CCDC102B: variants seen among roughly 807,000 people sequenced by gnomAD.
CCDC102B encodes coiled-coil domain-containing protein 102B.
In CCDC102B, 75 loss-of-function variants were observed where a neutral mutation model predicts 57.4. That is an observed-to-expected ratio of 1.31 (90% CI 1.08 to 1.58). CCDC102B has a LOEUF of 1.58. Among genes scored for constraint, CCDC102B ranks in the 40% most tolerant of loss-of-function variants. The pLI, the probability that CCDC102B is intolerant of heterozygous loss-of-function variation, is 0.00. For missense variants in CCDC102B, 636 were observed against 582.6 expected (o/e 1.09, Z -0.94); for synonymous variants, 206 against 201.9 (o/e 1.02, Z -0.17).
intron 2 of CCDC102B, among the ~76,000 whole-genome samples, chr18:68,734,454 A>G (rs936809172): frequency 1.3e-5 from 2 of 152,216 alleles, no homozygotes; most frequent in Non-Finnish European, 2.9e-5. Context: ...ACACAGTATG[A>G]CAACAACAAG....
intron 2 of CCDC102B, among the ~76,000 whole-genome samples, chr18:68,748,644 T>C (rs1225038938): frequency 6.6e-6 from 1 of 152,162 alleles, no homozygotes; most frequent in East Asian, 1.9e-4. Flanking sequence ...CCTGGAAACA[T>C]AGCCTAAAGC....
chr18:68,817,725 T>C (rs985130048), intron 1 of CCDC102B, among the ~76,000 whole-genome samples: 12 of 152,142 alleles, frequency 7.9e-5, no homozygotes, highest in Admixed American at 6.5e-4. Flanking sequence ...GGGGTAAACA[T>C]AGGAAAATTG....
At chr18:68,846,203 TCAGTTA>T in intron 3 of CCDC102B, 104 bp from the exon 4 acceptor site, 1 of 505,964 alleles carries the variant, frequency 2.0e-6, no homozygotes, top group South Asian at 5.3e-5. Flanking sequence ...ATTAAGATGA[TCAGTTA>T]CAAATATCAA....
intron 4 of CCDC102B, among the ~76,000 whole-genome samples, chr18:68,854,670 T>C (rs766488130): frequency 6.6e-6 from 1 of 152,188 alleles, no homozygotes; most frequent in East Asian, 1.9e-4. Context: ...CCATCTTTTT[T>C]AAATTTTTTA....
chr18:68,957,976 A>T (rs2049946556), intron 6 of CCDC102B, among the ~76,000 whole-genome samples: 1 of 152,156 alleles, frequency 6.6e-6, no homozygotes, highest in Non-Finnish European at 1.5e-5. Flanking sequence ...GGGGCAATTT[A>T]CAAAAGAGAG....
At chr18:68,856,530 C>A (rs899850566) in intron 4 of CCDC102B, among the ~76,000 whole-genome samples, 2 of 152,120 alleles carry the variant, frequency 1.3e-5, no homozygotes, top group Non-Finnish European at 2.9e-5. Context: ...AACTCCTGGC[C>A]TCTAGTGATC....
chr18:68,966,495 T>C (rs529856546), intron 6 of CCDC102B, among the ~76,000 whole-genome samples: 14 of 152,124 alleles, frequency 9.2e-5, no homozygotes, highest in Admixed American at 2.0e-4. Flanking sequence ...CCTGTGTGTG[T>C]GGGACTCTTC....
intron 6 of CCDC102B, among the ~76,000 whole-genome samples, chr18:68,928,915 T>A (rs539085963): frequency 6.6e-6 from 1 of 151,626 alleles, no homozygotes; most frequent in African/African-American, 2.4e-5. Flanking sequence ...GAAGAAGCAA[T>A]GGAGAAATTA....
chr18:68,982,535 T>C (rs980302692), intron 6 of CCDC102B, among the ~76,000 whole-genome samples: 1 of 152,012 alleles, frequency 6.6e-6, no homozygotes, highest in Non-Finnish European at 1.5e-5. Context: ...CACTCTGATT[T>C]GGATTGCATA....
chr18:68,913,425 T>A (rs2040949876), intron 6 of CCDC102B, among the ~76,000 whole-genome samples: 2 of 151,088 alleles, frequency 1.3e-5, no homozygotes, highest in African/African-American at 4.9e-5. Context: ...GGTGGGCAGA[T>A]CACCTGAGGT....
chr18:68,930,880 A>G (rs1208385825), intron 6 of CCDC102B, among the ~76,000 whole-genome samples: 1 of 151,962 alleles, frequency 6.6e-6, no homozygotes, highest in African/African-American at 2.4e-5. Context: ...CCTATAGCAA[A>G]TGCAAGATCA....
chr18:69,010,074 G>A (rs566845804), intron 6 of CCDC102B, among the ~76,000 whole-genome samples: 1 of 145,948 alleles, frequency 6.9e-6, no homozygotes, highest in South Asian at 2.2e-4. Context: ...TGGGACTACA[G>A]GCGTCCGCCA....
At position 68,994,541 on chromosome 18, in the gene CCDC102B, G is replaced by T. The variant is rs79192553; in HGVS notation, c.1264-16393G>T. Among the ~76,000 whole-genome samples, 341 of 152,060 alleles carry T rather than the reference G, an allele frequency of 2.2e-3. 11 individuals carry two copies. The East Asian group carries it at 0.062, about 28-fold the overall frequency. On this transcript the variant is annotated intron_variant, in intron 6 of 7. Coordinates refer to ENST00000360242, the MANE Select transcript of CCDC102B (RefSeq NM_024781.3). ...CACCCCCTCCTCCCCCGTGTAAAGG[G>T]AGACACCAGGTGAAGGTAATTGAAT...
intron 6 of CCDC102B, among the ~76,000 whole-genome samples, chr18:68,999,241 GA>G (rs1568114246): frequency 6.6e-6 from 1 of 151,838 alleles, no homozygotes; most frequent in Non-Finnish European, 1.5e-5. Context: ...GCTTTGAGGG[GA>G]AAAAGAGATC....
At chr18:68,986,011 A>G (rs2050713739) in intron 6 of CCDC102B, among the ~76,000 whole-genome samples, 1 of 152,324 alleles carries the variant, frequency 6.6e-6, no homozygotes, top group South Asian at 2.1e-4. Context: ...TAAAACTTAC[A>G]TAGTAGATGG....
intron 5 of CCDC102B, among the ~76,000 whole-genome samples, chr18:68,896,331 A>C (rs911686992): frequency 6.6e-6 from 1 of 152,070 alleles, no homozygotes; most frequent in African/African-American, 2.4e-5. Context: ...CAAAGGAGAT[A>C]TTAAAATTAT....
intron 1 of CCDC102B, among the ~76,000 whole-genome samples, chr18:68,824,724 C>G (rs1002197082): frequency 8.5e-5 from 13 of 152,102 alleles, no homozygotes; most frequent in African/African-American, 2.9e-4. Context: ...ACAGAATAGC[C>G]AGACTGACAT....
intron 7 of CCDC102B, among the ~76,000 whole-genome samples, chr18:69,046,663 T>G (rs1407388717): frequency 2.6e-5 from 4 of 152,224 alleles, no homozygotes; most frequent in Non-Finnish European, 5.9e-5. Flanking sequence ...CATGAAATAT[T>G]TGTCAGGTCC....
intron 2 of CCDC102B, among the ~76,000 whole-genome samples, chr18:68,744,946 A>C (rs2145230711): frequency 6.6e-6 from 1 of 152,276 alleles, no homozygotes; most frequent in East Asian, 1.9e-4. Flanking sequence ...CCTGACTGTT[A>C]TTGAGTTTCC....
Sources: gnomAD v4.1 joint callset for allele counts (sites outside exome capture counted in the v4.1 genomes callset) on GRCh38, gnomAD v4.1.1 for gene constraint, MANE v1.5 for transcripts, NCBI Gene and HGNC (gene_info 2026-07-23, HGNC 2026-07-21) for gene names.